NAALADL2: variants seen among roughly 807,000 people sequenced by gnomAD.
NAALADL2 encodes N-acetylated alpha-linked acidic dipeptidase like 2.
Under a neutral mutation model 87.2 loss-of-function variants are expected in NAALADL2, and 76 were observed. The ratio of observed to expected loss-of-function variants is 0.87; its 90% CI spans 0.72 to 1.05. The LOEUF (loss-of-function observed/expected upper bound fraction) is 1.05, where lower values mean the gene tolerates loss of function less well. Ranked by LOEUF, NAALADL2 falls within the 50% of genes least tolerant of loss-of-function variation. The pLI, the probability that NAALADL2 is intolerant of heterozygous loss-of-function variation, is 0.00. For missense variants in NAALADL2, 1,089 were observed against 945.8 expected (o/e 1.15, Z -1.99); for synonymous variants, 354 against 331.0 (o/e 1.07, Z -0.75).
At chr3:174,777,349 T>G (rs145046851) in intron 3 of NAALADL2, among the ~76,000 whole-genome samples, 78 of 152,282 alleles carry the variant, frequency 5.1e-4, no homozygotes, top group African/African-American at 9.1e-4. Flanking sequence ...ATGAAAATTA[T>G]AAGTAAAACT....
At position 174,859,545 on chromosome 3, in the gene NAALADL2, A is replaced by C. The variant is rs1726215910; in HGVS notation, c.43+95A>C. The C allele has an allele frequency of 3.0e-6, 3 of 989,100 alleles. No individual in the cohort carries two copies. The Admixed American group carries it at 5.9e-5, about 20-fold the overall frequency. The allele number at this position is 989,100 out of a possible 1,614,324, so 61.3% of individuals were successfully genotyped here. A position where few individuals can be genotyped will look rare whatever the true frequency, so the allele number is the denominator to read the frequency against. Reference sequence around the variant, plus strand: ...TCTGTGTGTTTCTGTGTATGCACACACGCATCCCTGCATGCATGTTCAGGT... The same window carrying C: ...TCTGTGTGTTTCTGTGTATGCACACCCGCATCCCTGCATGCATGTTCAGGT... On this transcript the variant is annotated intron_variant, in intron 1 of 13. Transcript: ENST00000454872.
chr3:175,012,830 T>C (rs1750026327), intron 1 of NAALADL2, among the ~76,000 whole-genome samples: 2 of 151,798 alleles, frequency 1.3e-5, no homozygotes, highest in South Asian at 4.1e-4. Flanking sequence ...TTCTTCCTGT[T>C]AAATATAAGA....
intron 3 of NAALADL2, among the ~76,000 whole-genome samples, chr3:174,835,337 C>T (rs1162608756): frequency 6.6e-6 from 1 of 151,932 alleles, no homozygotes; most frequent in Non-Finnish European, 1.5e-5. Context: ...TACCTTATAC[C>T]ATATAAAACG....
chr3:174,767,630 G>A (rs1304433725), intron 3 of NAALADL2, among the ~76,000 whole-genome samples: 1 of 152,108 alleles, frequency 6.6e-6, no homozygotes, highest in Middle Eastern at 3.2e-3. Flanking sequence ...TGGGGCCATG[G>A]CTTACCACAT....
Position 175,279,486 on chromosome 3 carries a change from GT to G in NAALADL2, c.939+22966del, listed in dbSNP as rs547012567. Among the ~76,000 whole-genome samples, 61 of 147,522 alleles carry G rather than the reference GT, an allele frequency of 4.1e-4. No homozygotes were observed. In the East Asian group the frequency reaches 9.1e-3, roughly 22 times the overall value. On this transcript the variant is annotated intron_variant, in intron 4 of 13. Transcript: ENST00000454872. ...ATATACCTTTAATTAAAAACATGAG[GT>G]TTTTTTTTTAAAAAAATCTCCATTT...
intron 6 of NAALADL2, among the ~76,000 whole-genome samples, chr3:175,461,490 A>C (rs1470014828): frequency 6.6e-6 from 1 of 151,972 alleles, no homozygotes; most frequent in East Asian, 1.9e-4. Context: ...TAATCACGAC[A>C]CCCCAACAGC....
At chr3:175,003,327 G>GA (rs1748496588) in intron 1 of NAALADL2, among the ~76,000 whole-genome samples, 1 of 152,128 alleles carries the variant, frequency 6.6e-6, no homozygotes, top group Non-Finnish European at 1.5e-5. Context: ...AGACCTGCCT[G>GA]AGTTGTGTGG....
At chr3:175,768,118 T>TGCCGACAA (rs1748985959) in intron 13 of NAALADL2, among the ~76,000 whole-genome samples, 1 of 152,106 alleles carries the variant, frequency 6.6e-6, no homozygotes, top group Non-Finnish European at 1.5e-5. Flanking sequence ...ACACCGGGTT[T>TGCCGACAA]TACTGGGATT....
chr3:174,975,766 A>C (rs568934215), intron 1 of NAALADL2, among the ~76,000 whole-genome samples: 14 of 152,312 alleles, frequency 9.2e-5, no homozygotes, highest in Non-Finnish European at 1.5e-4. Flanking sequence ...ACTGTGGGTG[A>C]CTACTTACTG....
intron 1 of NAALADL2, among the ~76,000 whole-genome samples, chr3:175,074,005 T>G (rs1207180480): frequency 4.6e-5 from 7 of 152,022 alleles, no homozygotes; most frequent in African/African-American, 1.7e-4. Context: ...TCCTGTGTGT[T>G]TGTTTTTTGT....
At chr3:174,756,949 CA>C (rs773360702) in intron 3 of NAALADL2, among the ~76,000 whole-genome samples, 1 of 114,356 alleles carries the variant, frequency 8.7e-6, no homozygotes, top group African/African-American at 3.8e-5. Context: ...CACCTATAGA[CA>C]AAAAAAACAA....
chr3:175,390,998 T>G (rs1252093197), intron 5 of NAALADL2, among the ~76,000 whole-genome samples: 2 of 152,184 alleles, frequency 1.3e-5, no homozygotes, highest in Non-Finnish European at 2.9e-5. Flanking sequence ...GAGGCCTATT[T>G]CTGTCAGGGT....
intron 2 of NAALADL2, among the ~76,000 whole-genome samples, chr3:174,577,587 T>C (rs1715673489): frequency 6.6e-6 from 1 of 152,124 alleles, no homozygotes; most frequent in African/African-American, 2.4e-5. Context: ...TTTGCAGAGA[T>C]TTTAACTGCT....
chr3:175,395,332 T>TCATG (rs1769637823), intron 5 of NAALADL2, among the ~76,000 whole-genome samples: 1 of 152,176 alleles, frequency 6.6e-6, no homozygotes, highest in African/African-American at 2.4e-5. Flanking sequence ...TTGCAGTTGA[T>TCATG]CATGGGTAAC....
rs140774236 is a variant in NAALADL2 at position 175,463,476 on chromosome 3, T to C, written c.1310T>C (p.Met437Thr). 2.6e-5 allele frequency: 42 copies of C among 1,593,794 alleles called. No homozygotes were observed. The East Asian group carries it at 6.5e-4, about 25-fold the overall frequency. ...GTTACTAATGTTGTTGGATTTGTAATGGGCTTGACATCTCCAGGTAAGTAG... is the reference window on the plus strand; with the variant it reads ...GTTACTAATGTTGTTGGATTTGTAACGGGCTTGACATCTCCAGGTAAGTAG... ...KTVTNVVGFV[M>T]GLTSPDRYII... is the part of the protein sequence containing the mutation. Residue 437 changes from methionine to threonine, a missense_variant, in exon 7 of 14, where the codon ATG becomes ACG. By Grantham distance (81) the Met-to-Thr change is moderately conservative. Coordinates refer to ENST00000454872, the MANE Select transcript of NAALADL2 (RefSeq NM_207015.3).
Position 175,438,346 on chromosome 3 carries a change from G to C in NAALADL2, c.1091-8883G>C, listed in dbSNP as rs547870234. On this transcript the variant is annotated intron_variant, in intron 5 of 13. Transcript: ENST00000454872. ...GACAACAAAATGACTAACCAATTTA[G>C]TGTACTGGTCATTTCAGAAAAATAA... is the stretch of plus-strand genomic sequence containing the variant. 3.9e-5 allele frequency among the ~76,000 whole-genome samples: 6 copies of C among 152,094 alleles called. 1 individual carries two copies. The highest frequency in any genetic ancestry group is 2.0e-4 in the Admixed American group (3 of 15,238).
intron 4 of NAALADL2, among the ~76,000 whole-genome samples, chr3:175,277,501 GTTCAA>G (rs1753753370): frequency 6.6e-6 from 1 of 152,106 alleles, no homozygotes; most frequent in South Asian, 2.1e-4. Flanking sequence ...TATTAATGTA[GTTCAA>G]TGGCCAAACA....
intron 1 of NAALADL2, among the ~76,000 whole-genome samples, chr3:175,036,003 T>A (rs770450901): frequency 2.0e-5 from 3 of 152,152 alleles, no homozygotes; most frequent in Admixed American, 6.6e-5. Context: ...TAGACCTACA[T>A]AAAAGTGAAG....
intron 2 of NAALADL2, among the ~76,000 whole-genome samples, chr3:174,657,967 G>A (rs963831577): frequency 6.6e-6 from 1 of 151,756 alleles, no homozygotes; most frequent in Non-Finnish European, 1.5e-5. Context: ...TCTTTTTAAC[G>A]CCATCTAATT....
Sources: gnomAD v4.1 joint callset for allele counts (sites outside exome capture counted in the v4.1 genomes callset) on GRCh38, gnomAD v4.1.1 for gene constraint, MANE v1.5 for transcripts, NCBI Gene and HGNC (gene_info 2026-07-23, HGNC 2026-07-21) for gene names.